The following COMMD1 variants were observed in gnomAD, a reference collection of about 807,000 sequenced individuals.
COMMD1 encodes the protein copper metabolism domain containing 1.
Under a neutral mutation model 17.2 loss-of-function variants are expected in COMMD1, and 10 were observed. The observed-to-expected ratio is 0.58, with a 90% CI of 0.36 to 0.99. The LOEUF is 0.99. Ranked by LOEUF, COMMD1 falls within the 50% of genes least tolerant of loss-of-function variation. The pLI is 0.01. For synonymous variants in COMMD1, 97 were observed against 91.6 expected (o/e 1.06, Z -0.34); for missense variants, 270 against 231.8 (o/e 1.17, Z -1.07).
chr2:62,072,488 A>G (rs1671223823), intron 2 of COMMD1, among the ~76,000 whole-genome samples: 1 of 151,622 alleles, frequency 6.6e-6, no homozygotes, highest in South Asian at 2.1e-4. Flanking sequence ...ACTCAGTAAA[A>G]CTCTTCTCCA....
At chr2:62,014,150 T>C (rs988147387) in intron 2 of COMMD1, among the ~76,000 whole-genome samples, 3 of 152,178 alleles carry the variant, frequency 2.0e-5, no homozygotes, top group African/African-American at 7.2e-5. Flanking sequence ...ACTGCTGAAG[T>C]CCTCAGCCTC....
At chr2:61,912,689 C>T (rs550343176) in intron 1 of COMMD1, among the ~76,000 whole-genome samples, 1 of 149,688 alleles carries the variant, frequency 6.7e-6, no homozygotes, top group Non-Finnish European at 1.5e-5. Flanking sequence ...GAGCCGAGAT[C>T]GTGCCACTGC....
chr2:61,975,118 C>CTTTTTTTTTTTTTTTTTTT, intron 1 of COMMD1, among the ~76,000 whole-genome samples: 23 of 80,160 alleles, frequency 2.9e-4, no homozygotes, highest in Non-Finnish European at 3.8e-4. Context: ...TCATTTCTTT[C>CTTTTTTTTTTTTTTTTTTT]TTTTTTTTTT....
intron 2 of COMMD1, among the ~76,000 whole-genome samples, chr2:62,040,820 C>T (rs766926749): frequency 3.9e-5 from 6 of 152,072 alleles, no homozygotes; most frequent in Non-Finnish European, 8.8e-5. Context: ...AAGCAGTTCT[C>T]GTGCTTCAGC....
upstream of COMMD1, chr2:61,905,570 C>T (rs1669747574): frequency 1.7e-6 from 2 of 1,157,250 alleles, no homozygotes; most frequent in South Asian, 1.6e-5. Flanking sequence ...GCCTTGCCTC[C>T]AGGTTCCCCG....
intron 2 of COMMD1, among the ~76,000 whole-genome samples, chr2:62,059,919 T>C (rs958964656): frequency 1.3e-5 from 2 of 151,942 alleles, no homozygotes; most frequent in Non-Finnish European, 2.9e-5. Context: ...TATCCTTTTT[T>C]ACTTCTTACA....
chr2:61,977,241 C>CTT (rs1160361696), intron 1 of COMMD1, among the ~76,000 whole-genome samples: 2,273 of 88,690 alleles, frequency 0.026, 65 homozygotes, highest in African/African-American at 0.051. Flanking sequence ...ATAAAGTTTG[C>CTT]TTTTTTTTTT....
intron 2 of COMMD1, among the ~76,000 whole-genome samples, chr2:62,064,932 C>T (rs1350057584): frequency 6.6e-6 from 1 of 152,004 alleles, no homozygotes; most frequent in East Asian, 1.9e-4. Context: ...TTTTGGAGGC[C>T]GAGGCAGATA....
intron 1 of COMMD1, among the ~76,000 whole-genome samples, chr2:61,913,841 C>T (rs902419263): frequency 7.0e-6 from 1 of 141,898 alleles, no homozygotes; most frequent in Admixed American, 7.2e-5. Context: ...ACCTCTGTTC[C>T]AAACATCTGT....
intron 1 of COMMD1, among the ~76,000 whole-genome samples, chr2:61,947,073 A>G (rs545389066): frequency 1.3e-4 from 20 of 152,338 alleles, no homozygotes; most frequent in African/African-American, 4.3e-4. Flanking sequence ...TTTTATGAAT[A>G]TAGCATCTCA....
chr2:62,011,241 T>C (rs754076929), intron 2 of COMMD1, among the ~76,000 whole-genome samples: 15 of 150,580 alleles, frequency 1.0e-4, no homozygotes, highest in Non-Finnish European at 1.9e-4. Context: ...CAATAAACTA[T>C]TTATTTAAAG....
At chr2:61,985,685 T>C (rs940217131) in intron 1 of COMMD1, among the ~76,000 whole-genome samples, 5 of 152,204 alleles carry the variant, frequency 3.3e-5, no homozygotes, top group Non-Finnish European at 7.3e-5. Flanking sequence ...GCAAATAATA[T>C]ATCCCATTAT....
intron 1 of COMMD1, among the ~76,000 whole-genome samples, chr2:61,897,043 T>C (rs1377837394): frequency 1.3e-5 from 2 of 152,100 alleles, no homozygotes; most frequent in African/African-American, 4.8e-5. Flanking sequence ...TTGGCCAGGC[T>C]GGTCTCGAAC....
At position 61,939,759 on chromosome 2, in the gene COMMD1, G is replaced by A. The variant is rs559034267; in HGVS notation, c.180+33901G>A. 3.9e-5 allele frequency among the ~76,000 whole-genome samples: 6 copies of A among 152,088 alleles called. No homozygotes were observed. In the South Asian group the frequency reaches 1.2e-3, roughly 32 times the overall value. On this transcript the variant is annotated intron_variant, in intron 1 of 2. Coordinates refer to ENST00000311832, the MANE Select transcript of COMMD1 (RefSeq NM_152516.4). ...AACTATAAAAAAAATTTTTTGGACCGTTCTTTAACCAGAGCAGCAGCCTTC... is the reference window on the plus strand; with the variant it reads ...AACTATAAAAAAAATTTTTTGGACCATTCTTTAACCAGAGCAGCAGCCTTC...
At chr2:61,919,970 A>T (rs1670146242) in intron 1 of COMMD1, among the ~76,000 whole-genome samples, 1 of 152,062 alleles carries the variant, frequency 6.6e-6, no homozygotes, top group Non-Finnish European at 1.5e-5. Flanking sequence ...CTACAAAAAA[A>T]TAAAAAAAAT....
chr2:61,969,999 G>A (rs559528324), intron 1 of COMMD1, among the ~76,000 whole-genome samples: 28 of 152,220 alleles, frequency 1.8e-4, no homozygotes, highest in African/African-American at 6.5e-4. Flanking sequence ...GCTCACACCT[G>A]TAATCCCAGC....
intron 1 of COMMD1, among the ~76,000 whole-genome samples, chr2:61,920,983 T>G (rs11405053): frequency 9.8e-6 from 1 of 101,884 alleles, no homozygotes; most frequent in Non-Finnish European, 2.0e-5. Flanking sequence ...ATATATATAT[T>G]TTTTTTTTTT....
intron 2 of COMMD1, among the ~76,000 whole-genome samples, chr2:62,048,341 C>T (rs1034022293): frequency 2.0e-5 from 3 of 152,136 alleles, no homozygotes; most frequent in East Asian, 1.9e-4. Flanking sequence ...CGCCACCACA[C>T]CCGGCTAATA....
Position 62,063,787 on chromosome 2 carries a change from A to G in COMMD1, c.462+62805A>G, listed in dbSNP as rs769729749. Among the ~76,000 whole-genome samples, 11 of 148,242 alleles carry G rather than the reference A, an allele frequency of 7.4e-5. No individual in the cohort carries two copies. In the East Asian group the frequency reaches 1.4e-3, roughly 19 times the overall value. On this transcript the variant is annotated intron_variant, in intron 2 of 2. Transcript: ENST00000311832. The stretch of plus-strand genomic sequence containing the variant: ...TTATATTTTCATTTCAAGAAATTCT[A>G]TTTCGCTTTTTTTTCATATCTGGTC...
Sources: gnomAD v4.1 joint callset for allele counts (sites outside exome capture counted in the v4.1 genomes callset) on GRCh38, gnomAD v4.1.1 for gene constraint, MANE v1.5 for transcripts, NCBI Gene and HGNC (gene_info 2026-07-23, HGNC 2026-07-21) for gene names.